The following GSDMC variants were observed in gnomAD, a reference collection of about 807,000 sequenced individuals.
The protein encoded by GSDMC is gasdermin C.
In GSDMC, 59 loss-of-function variants were observed where a neutral mutation model predicts 58.0. The ratio of observed to expected loss-of-function variants is 1.02; its 90% confidence interval spans 0.82 to 1.26. The LOEUF (loss-of-function observed/expected upper bound fraction) is 1.26. GSDMC is among the 50% of genes most tolerant of loss of function. GSDMC has a pLI of 0.00. For synonymous variants in GSDMC, 241 were observed against 220.2 expected (o/e 1.09, Z -0.83); for missense variants, 659 against 598.5 (o/e 1.10, Z -1.06).
the GSDMC span, among the ~76,000 whole-genome samples, chr8:129,730,870 T>C: frequency 2.0e-5 from 3 of 152,238 alleles, no homozygotes; most frequent in East Asian, 5.8e-4. Context: ...CCTAAAACCA[T>C]CATAAGCTGG....
chr8:129,722,582 C>T, the GSDMC span, among the ~76,000 whole-genome samples: 1 of 152,128 alleles, frequency 6.6e-6, no homozygotes, highest in African/African-American at 2.4e-5. Context: ...TCTCATATGT[C>T]ATGAGCCCCA....
downstream of GSDMC, among the ~76,000 whole-genome samples, chr8:129,744,942 G>A (rs1277570759): frequency 6.6e-6 from 1 of 152,204 alleles, no homozygotes; most frequent in Non-Finnish European, 1.5e-5. Context: ...TGCCACAAAT[G>A]TATAAAGAGA....
chr8:129,710,622 T>G, the GSDMC span, among the ~76,000 whole-genome samples: 1 of 152,306 alleles, frequency 6.6e-6, no homozygotes, highest in Non-Finnish European at 1.5e-5. Context: ...TGTTCTTATC[T>G]TGAGAAGAAT....
At chr8:129,725,967 A>G in the GSDMC span, among the ~76,000 whole-genome samples, 1 of 152,300 alleles carries the variant, frequency 6.6e-6, no homozygotes, top group Non-Finnish European at 1.5e-5. Flanking sequence ...CTTATGTGTT[A>G]ACCAAGATTC....
chr8:129,718,149 C>CA, the GSDMC span, among the ~76,000 whole-genome samples: 23 of 151,012 alleles, frequency 1.5e-4, no homozygotes, highest in Non-Finnish European at 2.5e-4. Context: ...AAAGCGATGG[C>CA]AAAAAAAAGC....
chr8:129,730,251 A>G, the GSDMC span: 2 of 1,342,356 alleles, frequency 1.5e-6, no homozygotes, highest in Non-Finnish European at 1.0e-6. Context: ...TCAGATTGGA[A>G]GTAAAGGAAG....
Position 129,760,563 on chromosome 8 carries a change from G to T in GSDMC, c.703C>A (p.Gln235Lys). The change falls in exon 6 of 14, where the codon CAG becomes AAG. Residue 235 changes from glutamine to lysine, a missense_variant. By Grantham distance (53) the Gln-to-Lys change is moderately conservative. Coordinates refer to ENST00000276708, the MANE Select transcript of GSDMC (RefSeq NM_031415.3). The part of the protein sequence containing the change: ...KAILISDDDE[Q>K]RTFQDEYEIS... Reference sequence around the variant, plus strand: ...AACTCACCATCTTGAAAGGTTCTCTGTTCATCATCATCTGAGATGAGAATG... The same window carrying T: ...AACTCACCATCTTGAAAGGTTCTCTTTTCATCATCATCTGAGATGAGAATG... 2 of 1,600,800 alleles carry T rather than the reference G, an allele frequency of 1.2e-6. No homozygotes were observed. Among genetic ancestry groups the T allele is most frequent in the Middle Eastern group, 1.7e-4 (1 of 6,034 alleles).
At chr8:129,707,377 G>A in the GSDMC span, among the ~76,000 whole-genome samples, 65,045 of 152,072 alleles carry the variant, frequency 0.43, 18,674 homozygotes, top group African/African-American at 0.79. Context: ...ACTAAAATAT[G>A]AAGATTTTTT....
the GSDMC span, among the ~76,000 whole-genome samples, chr8:129,738,737 T>C: frequency 1.3e-5 from 2 of 152,112 alleles, no homozygotes; most frequent in Non-Finnish European, 2.9e-5. Flanking sequence ...CACACCAACA[T>C]GGCTTATGTA....
At chr8:129,719,423 G>A in the GSDMC span, among the ~76,000 whole-genome samples, 1 of 152,100 alleles carries the variant, frequency 6.6e-6, no homozygotes, top group Non-Finnish European at 1.5e-5. Context: ...TTACAATTAT[G>A]GTGTAAGATT....
the GSDMC span, among the ~76,000 whole-genome samples, chr8:129,709,422 T>G: frequency 2.6e-5 from 4 of 152,114 alleles, no homozygotes; most frequent in Non-Finnish European, 5.9e-5. Flanking sequence ...CCTTTTGGCC[T>G]CAAAAGGTAG....
intron 3 of GSDMC, among the ~76,000 whole-genome samples, chr8:129,769,297 A>C (rs1283782455): frequency 6.6e-6 from 1 of 152,216 alleles, no homozygotes; most frequent in Non-Finnish European, 1.5e-5. Context: ...TACTCATTAC[A>C]TACAGGGGAG....
the GSDMC span, among the ~76,000 whole-genome samples, chr8:129,742,373 C>T: frequency 6.6e-6 from 1 of 151,986 alleles, no homozygotes; most frequent in Admixed American, 6.6e-5. Context: ...TCACATTTTG[C>T]CCCATAAAAA....
chr8:129,770,418 C>A (rs2034009831), intron 3 of GSDMC, among the ~76,000 whole-genome samples: 1 of 152,142 alleles, frequency 6.6e-6, no homozygotes, highest in Non-Finnish European at 1.5e-5. Context: ...ATTGCTTAAA[C>A]CTAGGAGGCA....
intron 1 of GSDMC, 94 bp from the exon 2 acceptor site, chr8:129,777,685 T>C (rs1376879037): frequency 2.8e-6 from 2 of 723,874 alleles, no homozygotes; most frequent in Non-Finnish European, 4.9e-6. Context: ...GGAAAAGATC[T>C]ACATATGAGA....
intron 3 of GSDMC, among the ~76,000 whole-genome samples, chr8:129,773,404 T>C (rs2034121967): frequency 6.6e-6 from 1 of 152,198 alleles, no homozygotes; most frequent in African/African-American, 2.4e-5. Context: ...TTAGAATTAA[T>C]AAATAAATGC....
intron 3 of GSDMC, among the ~76,000 whole-genome samples, chr8:129,771,382 G>C (rs1156385547): frequency 6.6e-6 from 1 of 151,402 alleles, no homozygotes; most frequent in Non-Finnish European, 1.5e-5. Context: ...CTTCTCCAGA[G>C]CACATGGAAC....
chr8:129,767,428 G>A (rs1184560261), intron 3 of GSDMC, among the ~76,000 whole-genome samples: 2 of 151,396 alleles, frequency 1.3e-5, no homozygotes, highest in African/African-American at 2.4e-5. Flanking sequence ...AAGTAAAGCT[G>A]GTGACTCTGC....
chr8:129,730,383 C>A, the GSDMC span: 5 of 1,244,518 alleles, frequency 4.0e-6, no homozygotes, highest in Non-Finnish European at 5.6e-6. Flanking sequence ...TGAACTTGTA[C>A]AGTCATTGAA....
Sources: allele counts gnomAD v4.1 joint callset (sites outside exome capture counted in the v4.1 genomes callset), GRCh38; gene constraint gnomAD v4.1.1; transcripts MANE v1.5; gene names NCBI Gene and HGNC (gene_info 2026-07-23, HGNC 2026-07-21).